COL12A1: variants seen among roughly 807,000 people sequenced by gnomAD.
The protein encoded by COL12A1 is collagen type XII alpha 1 chain.
COL12A1 carries 114 observed loss-of-function variants against 349.7 expected under a neutral mutation model. The observed-to-expected ratio is 0.33, with a 90% CI of 0.28 to 0.38. The LOEUF (loss-of-function observed/expected upper bound fraction) is 0.38, where lower values mean the gene tolerates loss of function less well. Among genes scored for constraint, COL12A1 ranks in the 10% least tolerant of loss-of-function variants. The pLI is 1.00. For synonymous variants in COL12A1, 1,369 were observed against 1,329.0 expected (o/e 1.03, Z -0.66); for missense variants, 3,284 against 3,756.9 (o/e 0.87, Z 3.29).
At position 75,128,433 on chromosome 6, in the gene COL12A1, G is replaced by T; in HGVS notation, c.6211-8C>A. Reference sequence around the variant, plus strand: ...TCTGCCTGGGACTGTGGTCTATAGAGGAAGTTAAATTATAAATATATTACC... The same window carrying T: ...TCTGCCTGGGACTGTGGTCTATAGATGAAGTTAAATTATAAATATATTACC... On this transcript the variant is annotated splice_polypyrimidine_tract_variant and splice_region_variant and intron_variant, in intron 37 of 65. Coordinates refer to ENST00000322507, the MANE Select transcript of COL12A1 (RefSeq NM_004370.6). 2 of 1,550,564 alleles carry T rather than the reference G, an allele frequency of 1.3e-6. No individual in the cohort carries two copies. The highest frequency in any genetic ancestry group is 2.6e-5 in the South Asian group (2 of 77,214).
At chr6:75,195,105 C>T (rs185458906) in intron 2 of COL12A1, among the ~76,000 whole-genome samples, 158 bp from the exon 3 acceptor site, 27 of 152,174 alleles carry the variant, frequency 1.8e-4, no homozygotes, top group Middle Eastern at 3.4e-3. Flanking sequence ...AAGAATAAAA[C>T]TAAAAGCTGA....
Position 75,090,066 on chromosome 6 carries a change from C to T in COL12A1, c.8941+44G>A. ...CAACCTGTCCCAACTCCTACATTTGCAAATTCCTTCCTTTATCCCAATACA... is the reference window on the plus strand; with the variant it reads ...CAACCTGTCCCAACTCCTACATTTGTAAATTCCTTCCTTTATCCCAATACA... On this transcript the variant is annotated intron_variant, in intron 63 of 65. Coordinates refer to ENST00000322507, the MANE Select transcript of COL12A1 (RefSeq NM_004370.6). The surrounding 1 kb of genome is among the most constrained non-coding windows in gnomAD (Gnocchi z 4.1). 1 of 1,603,052 alleles carries T rather than the reference C, an allele frequency of 6.2e-7. No individual in the cohort carries two copies. Among genetic ancestry groups the T allele is most frequent in the South Asian group, 1.1e-5 (1 of 90,426 alleles).
chr6:75,105,597 A>G (rs767293273), intron 53 of COL12A1, among the ~76,000 whole-genome samples: 1 of 152,030 alleles, frequency 6.6e-6, no homozygotes, highest in Non-Finnish European at 1.5e-5. Context: ...ATCAATTCCC[A>G]TCTGGAAAAA....
chr6:75,162,440 GA>G (rs1023345616), intron 14 of COL12A1, among the ~76,000 whole-genome samples: 18 of 152,166 alleles, frequency 1.2e-4, no homozygotes, highest in African/African-American at 4.3e-4. Flanking sequence ...ATGGTGTTGG[GA>G]AAACTGGCTA....
chr6:75,194,949 T>C lies in COL12A1; in HGVS notation c.74-2A>G. The C allele has an allele frequency of 6.6e-7, 1 of 1,526,614 alleles. No individual in the cohort carries two copies. Among genetic ancestry groups the C allele is most frequent in the Non-Finnish European group, 9.0e-7 (1 of 1,108,812 alleles). 94.6% of individuals were successfully genotyped at this position (1,526,614 alleles called of 1,614,324 possible). On this transcript the variant is annotated splice_acceptor_variant, in intron 2 of 65. Coordinates refer to ENST00000322507, the MANE Select transcript of COL12A1 (RefSeq NM_004370.6). LOFTEE classifies it high-confidence loss of function. ...AATTCAAGTCTGAAGGTGGGTCAAC[T>C]GCAAAAGAGAGAGTTTATATTATTA...
chr6:75,156,591 T>C, intron 14 of COL12A1, 68 bp from the exon 15 acceptor site: 7 of 1,450,266 alleles, frequency 4.8e-6, no homozygotes, highest in Non-Finnish European at 6.6e-6. Flanking sequence ...CCTCTTCATT[T>C]ATGTGAAAAG....
At chr6:75,087,243 T>G in intron 65 of COL12A1, 1 of 341,312 alleles carries the variant, frequency 2.9e-6, no homozygotes, top group Non-Finnish European at 5.2e-6. Flanking sequence ...ATTTTACAGT[T>G]GTATTTAACA....
chr6:75,112,156 T>C (rs1768870492), intron 51 of COL12A1, among the ~76,000 whole-genome samples: 1 of 151,726 alleles, frequency 6.6e-6, no homozygotes, highest in Non-Finnish European at 1.5e-5. Context: ...GAAGAAATAC[T>C]ATTAAAAAGT....
At position 75,085,254 on chromosome 6, in the gene COL12A1, G is replaced by A. The variant is rs1401104470; in HGVS notation, c.*1293C>T. 4.2e-6 allele frequency: 2 copies of A among 470,834 alleles called. No homozygotes were observed. The highest frequency in any genetic ancestry group is 3.1e-5 in the South Asian group (2 of 64,562). 29.2% of individuals were successfully genotyped at this position (470,834 alleles called of 1,614,324 possible). On this transcript the variant is annotated 3_prime_UTR_variant, in exon 66 of 66. Transcript: ENST00000322507. ...CCGGTGGGGCTCAGGAGGCTCCTCTGCAGGCTCGTCTGCGCCGTAGTCCTC... is the reference window on the plus strand; with the variant it reads ...CCGGTGGGGCTCAGGAGGCTCCTCTACAGGCTCGTCTGCGCCGTAGTCCTC...
At position 75,154,445 on chromosome 6, in the gene COL12A1, T is replaced by C. The variant is rs1767652209; in HGVS notation, c.3536A>G (p.Asp1179Gly). 1.9e-6 allele frequency: 3 copies of C among 1,612,696 alleles called. No homozygotes were observed. The highest frequency in any genetic ancestry group is 1.7e-5 in the Admixed American group (1 of 59,914). Reference protein sequence around the residue: ...LVGQEMTTLSDTTVMPILSSG... With the variant: ...LVGQEMTTLSGTTVMPILSSG... ...AGATAAAATTGGCATAACAGTTGTG[T>C]CGGAAAGGGTTGTCATTTCTTGTCC... Residue 1179 changes from aspartate to glycine, a missense_variant, in exon 17 of 66, where the codon GAC (aspartate) becomes GGC (glycine). Physicochemically the swap from Asp to Gly is moderately conservative, Grantham distance 94 (BLOSUM62 -1). Around this residue, in one of 2 missense-constraint regions of COL12A1, gnomAD observed 2,601 missense variants for 2,824.8 expected, o/e 0.92. Coordinates refer to ENST00000322507, the MANE Select transcript of COL12A1 (RefSeq NM_004370.6).
intron 23 of COL12A1, 131 bp from the exon 24 acceptor site, chr6:75,146,375 T>C (rs1767196460): frequency 1.9e-6 from 2 of 1,057,574 alleles, no homozygotes; most frequent in East Asian, 5.9e-5. Flanking sequence ...TCAATAAGAG[T>C]TAATATAATC....
rs768543325 is a variant in COL12A1 at position 75,090,252 on chromosome 6, A to G, written c.8799T>C (p.Asp2933=). The part of the protein sequence containing the change: ...FNQMLNQIPN[D]YQSSRNQPGP... ...CTGGCTGGTTGCGACTGGACTGGTAATCATTTGGAATCTGATTCAGCATCT... is the reference window on the plus strand; with the variant it reads ...CTGGCTGGTTGCGACTGGACTGGTAGTCATTTGGAATCTGATTCAGCATCT... Residue 2933 remains aspartate, a synonymous_variant, in exon 63 of 66, where the codon GAT becomes GAC. Coordinates refer to ENST00000322507, the MANE Select transcript of COL12A1 (RefSeq NM_004370.6). The surrounding 1 kb of genome is among the most constrained non-coding windows in gnomAD (Gnocchi z 4.1). 8.1e-6 allele frequency: 13 copies of G among 1,613,372 alleles called. No individual in the cohort carries two copies. In the East Asian group the frequency reaches 2.9e-4, roughly 36 times the overall value.
At chr6:75,092,822 C>A (rs1040000526) in intron 60 of COL12A1, among the ~76,000 whole-genome samples, 2 of 151,076 alleles carry the variant, frequency 1.3e-5, no homozygotes, top group African/African-American at 2.5e-5. Context: ...AATTCCTTAT[C>A]ATGGGCTACA....
At chr6:75,162,763 C>G (rs1022301714) in intron 14 of COL12A1, among the ~76,000 whole-genome samples, 2 of 152,170 alleles carry the variant, frequency 1.3e-5, no homozygotes, top group East Asian at 1.9e-4. Flanking sequence ...ATCTATACAT[C>G]TGACAAAGGG....
At chr6:75,198,137 T>C (rs939528757) in intron 2 of COL12A1, among the ~76,000 whole-genome samples, 1 of 152,238 alleles carries the variant, frequency 6.6e-6, no homozygotes, top group Admixed American at 6.5e-5. Flanking sequence ...TGTACTAGAT[T>C]AAATGCAAAG....
At position 75,118,924 on chromosome 6, in the gene COL12A1, C is replaced by T. The variant is rs1332885764; in HGVS notation, c.7354+119G>A. 24 of 1,342,490 alleles carry T rather than the reference C, an allele frequency of 1.8e-5. No homozygotes were observed. The South Asian group carries it at 2.3e-4, about 13-fold the overall frequency. The allele number at this position is 1,342,490 out of a possible 1,614,324, so 83.2% of individuals were successfully genotyped here. On this transcript the variant is annotated intron_variant, in intron 46 of 65. Coordinates refer to ENST00000322507, the MANE Select transcript of COL12A1 (RefSeq NM_004370.6). ...ATAAACTAGCATTACGAAGGTATAC[C>T]GTGCAGAGTGAAACAGAAACAATAA...
At chr6:75,200,967 A>G (rs1300812747) in intron 2 of COL12A1, among the ~76,000 whole-genome samples, 1 of 152,032 alleles carries the variant, frequency 6.6e-6, no homozygotes, top group Non-Finnish European at 1.5e-5. Context: ...GAGCTGTACC[A>G]TATGGAAATA....
intron 59 of COL12A1, among the ~76,000 whole-genome samples, chr6:75,095,623 C>CAAAAAAAAAAA (rs58205028): frequency 9.8e-6 from 1 of 102,092 alleles, no homozygotes; most frequent in Non-Finnish European, 2.0e-5. Context: ...GACTCCGTCT[C>CAAAAAAAAAAA]AAAAAAAAAA....
intron 5 of COL12A1, among the ~76,000 whole-genome samples, chr6:75,190,539 A>T (rs1769873751): frequency 6.6e-6 from 1 of 151,992 alleles, no homozygotes; most frequent in African/African-American, 2.4e-5. Context: ...TTAAAAATCC[A>T]TGTGGTATCC....
Sources: gnomAD v4.1 joint callset for allele counts (sites outside exome capture counted in the v4.1 genomes callset) on GRCh38, gnomAD v4.1.1 for gene constraint, gnomAD v4.1.1 regional missense constraint, Gnocchi (gnomAD v3.1) non-coding constraint, MANE v1.5 for transcripts, NCBI Gene and HGNC (gene_info 2026-07-23, HGNC 2026-07-21) for gene names.